Variants in SUMF1 observed in about 807,000 individuals in gnomAD.
SUMF1 encodes formylglycine-generating enzyme.
Under a neutral mutation model 47.6 loss-of-function variants are expected in SUMF1, and 48 were observed. The observed-to-expected ratio is 1.01, with a 90% CI of 0.80 to 1.28. The LOEUF is 1.28. Ranked by LOEUF, SUMF1 falls within the 50% of genes most tolerant of loss-of-function variation. SUMF1 has a pLI of 0.00. For synonymous variants in SUMF1, 230 were observed against 192.1 expected (o/e 1.20, Z -1.63); for missense variants, 571 against 485.4 (o/e 1.18, Z -1.66).
At chr3:4,413,804 T>C (rs1179208858) in intron 6 of SUMF1, among the ~76,000 whole-genome samples, 3 of 151,836 alleles carry the variant, frequency 2.0e-5, no homozygotes, top group East Asian at 1.9e-4. Flanking sequence ...GGAAAAAGGA[T>C]AGCTTGAGGA....
At chr3:4,100,295 C>T (rs1308027472) in intron 8 of SUMF1, among the ~76,000 whole-genome samples, 1 of 151,696 alleles carries the variant, frequency 6.6e-6, no homozygotes, top group Non-Finnish European at 1.5e-5. Context: ...AAATATATTC[C>T]AAAGCAATAA....
intron 8 of SUMF1, among the ~76,000 whole-genome samples, chr3:4,185,726 A>T (rs1695187939): frequency 6.6e-6 from 1 of 152,228 alleles, no homozygotes; most frequent in South Asian, 2.1e-4. Flanking sequence ...AGATAGTGAG[A>T]GTATAATTTT....
rs376888463 is a variant in SUMF1, at chr3:4,253,311, C to G, written c.1014+123019G>C. Among the ~76,000 whole-genome samples, 260 of 152,282 alleles carry G rather than the reference C, an allele frequency of 1.7e-3. 9 individuals are homozygous for G. In the South Asian group the frequency reaches 0.051, roughly 30 times the overall value. On this transcript the variant is annotated intron_variant and NMD_transcript_variant, in intron 8 of 12. Transcript: ENST00000448413. The stretch of plus-strand genomic sequence containing the variant: ...GGTCTACAGCTCCCAGCGTGAGTGA[C>G]GCAGAAGACAGGTGATTTCTGCATT...
chr3:4,193,358 C>T (rs1438924909), intron 8 of SUMF1, among the ~76,000 whole-genome samples: 2 of 152,082 alleles, frequency 1.3e-5, no homozygotes, highest in Non-Finnish European at 2.9e-5. Context: ...GTAGCACTTT[C>T]CTGAATTTGT....
chr3:4,185,151 C>G (rs1048333933), intron 8 of SUMF1, among the ~76,000 whole-genome samples: 7 of 151,928 alleles, frequency 4.6e-5, no homozygotes, highest in African/African-American at 1.7e-4. Flanking sequence ...TATGAATTTC[C>G]CTAAAGAAAT....
At chr3:4,406,004 T>C (rs1701362703) in intron 7 of SUMF1, among the ~76,000 whole-genome samples, 1 of 152,118 alleles carries the variant, frequency 6.6e-6, no homozygotes, top group African/African-American at 2.4e-5. Flanking sequence ...ATAAATATTG[T>C]TTTCTTTCCC....
chr3:4,316,323 C>T (rs776909138), intron 8 of SUMF1: 13 of 1,307,604 alleles, frequency 9.9e-6, no homozygotes, highest in Non-Finnish European at 1.4e-5. Context: ...TGCATTTGGC[C>T]CAGGAACTGC....
intron 8 of SUMF1, among the ~76,000 whole-genome samples, chr3:4,238,794 C>G (rs1401660979): frequency 6.6e-6 from 1 of 152,126 alleles, no homozygotes; most frequent in East Asian, 1.9e-4. Context: ...TCCCATTTGT[C>G]TATTTTGGCT....
chr3:4,177,149 G>C (rs182773663), intron 8 of SUMF1, among the ~76,000 whole-genome samples: 60 of 152,150 alleles, frequency 3.9e-4, no homozygotes, highest in Admixed American at 1.4e-3. Flanking sequence ...AGGTTAACAA[G>C]GATACCCAGG....
At chr3:4,248,823 G>A (rs1696727410) in intron 8 of SUMF1, among the ~76,000 whole-genome samples, 1 of 152,188 alleles carries the variant, frequency 6.6e-6, no homozygotes, top group South Asian at 2.1e-4. Flanking sequence ...AGAGCAACAT[G>A]TTCCTAGAGC....
chr3:4,151,231 A>G (rs1694311863), intron 8 of SUMF1, among the ~76,000 whole-genome samples: 2 of 139,976 alleles, frequency 1.4e-5, no homozygotes, highest in Non-Finnish European at 3.1e-5. Flanking sequence ...GAATATAAAT[A>G]TATATATCAA....
At chr3:4,229,578 A>G (rs974029215) in intron 8 of SUMF1, among the ~76,000 whole-genome samples, 2 of 152,304 alleles carry the variant, frequency 1.3e-5, no homozygotes, top group South Asian at 2.1e-4. Context: ...GGCATTTAGC[A>G]TAATGCCTGA....
intron 8 of SUMF1, among the ~76,000 whole-genome samples, chr3:4,090,771 T>G (rs565534435): frequency 7.9e-5 from 12 of 152,248 alleles, no homozygotes; most frequent in African/African-American, 2.6e-4. Context: ...TCATTAAAAA[T>G]TGGGTAAACA....
intron 3 of SUMF1, among the ~76,000 whole-genome samples, chr3:4,426,635 C>A (rs1277976418): frequency 6.6e-6 from 1 of 152,154 alleles, no homozygotes; most frequent in Non-Finnish European, 1.5e-5. Context: ...ATTGTGACAT[C>A]TATAATTCCT....
chr3:4,436,301 A>G (rs1702395224), intron 3 of SUMF1, among the ~76,000 whole-genome samples: 1 of 152,208 alleles, frequency 6.6e-6, no homozygotes. Flanking sequence ...TTAAAATGTT[A>G]ACACTATAAT....
Position 4,088,198 on chromosome 3 carries a change from G to A in SUMF1, c.1015-19453C>T, listed in dbSNP as rs930464981. The stretch of plus-strand genomic sequence containing the variant: ...TTCCATGATTTCCTTCCTTAAACCT[G>A]TGCCAGACCACTCCTTCTTCCATCT... On this transcript the variant is annotated intron_variant and NMD_transcript_variant, in intron 8 of 12. Coordinates refer to the SUMF1 transcript ENST00000448413. 8.6e-5 allele frequency among the ~76,000 whole-genome samples: 13 copies of A among 151,988 alleles called. 1 individual carries two copies. The highest frequency in any genetic ancestry group is 5.2e-4 in the Admixed American group (8 of 15,252).
chr3:4,154,948 C>CAGGTAAGG (rs1694420048), intron 8 of SUMF1, among the ~76,000 whole-genome samples: 1 of 151,372 alleles, frequency 6.6e-6, no homozygotes. Context: ...ACTGTAAACT[C>CAGGTAAGG]AGGTAAGGGA....
chr3:4,264,723 G>A (rs1360520749), intron 8 of SUMF1, among the ~76,000 whole-genome samples: 3 of 152,148 alleles, frequency 2.0e-5, no homozygotes, highest in East Asian at 1.9e-4. Flanking sequence ...GATATGTCAG[G>A]GGAGGATAGC....
chr3:4,254,290 A>C (rs1696891125), intron 8 of SUMF1, among the ~76,000 whole-genome samples: 1 of 151,948 alleles, frequency 6.6e-6, no homozygotes, highest in South Asian at 2.1e-4. Context: ...TGAGAGAAGA[A>C]GGCTTCAGAC....
Sources: gnomAD v4.1 joint callset for allele counts (sites outside exome capture counted in the v4.1 genomes callset) on GRCh38, gnomAD v4.1.1 for gene constraint, MANE v1.5 for transcripts, NCBI Gene and HGNC (gene_info 2026-07-23, HGNC 2026-07-21) for gene names.